The following HDAC9 variants were observed in gnomAD, a reference collection of about 807,000 sequenced individuals.
HDAC9 encodes MEF-2 interacting transcription repressor (MITR) protein.
A neutral mutation model predicts 139.4 loss-of-function variants in HDAC9; 41 were observed. The ratio of observed to expected loss-of-function variants is 0.29; its 90% confidence interval spans 0.23 to 0.38. The LOEUF (loss-of-function observed/expected upper bound fraction) is 0.38. Ranked by LOEUF, HDAC9 falls within the 10% of genes least tolerant of loss-of-function variation. The pLI, the probability that HDAC9 is intolerant of heterozygous loss-of-function variation, is 1.00. For synonymous variants in HDAC9, 517 were observed against 476.2 expected, an observed-to-expected ratio of 1.09 and a Z score of -1.12; for missense variants, 1,147 against 1,297.0, an observed-to-expected ratio of 0.88 and a Z score of 1.78.
intron 14 of HDAC9, among the ~76,000 whole-genome samples, chr7:18,756,877 C>CT (rs562272949): frequency 0.025 from 3,607 of 144,666 alleles, 63 homozygotes; most frequent in South Asian, 0.051. Context: ...ACTCCCCAAC[C>CT]TTTTTTTTTT....
intron 6 of HDAC9, among the ~76,000 whole-genome samples, chr7:18,616,168 A>G (rs1838538034): frequency 6.6e-6 from 1 of 152,100 alleles, no homozygotes; most frequent in South Asian, 2.1e-4. Flanking sequence ...AATCTTTTTT[A>G]AGTCAGTTGA....
chr7:18,449,563 C>A (rs539436919), intron 1 of HDAC9, among the ~76,000 whole-genome samples: 8 of 152,044 alleles, frequency 5.3e-5, no homozygotes, highest in African/African-American at 1.9e-4. Context: ...TATATTAATA[C>A]ACTAAGATAT....
chr7:19,001,134 C>T lies in HDAC9; in HGVS notation c.*5072C>T, dbSNP rs1786727160. 2 of 152,100 alleles carry T rather than the reference C, an allele frequency of 1.3e-5. No homozygotes were observed. The highest frequency in any genetic ancestry group is 6.5e-5 in the Admixed American group (1 of 15,276). 9.4% of individuals were successfully genotyped at this position (152,100 alleles called of 1,614,324 possible). A position where few individuals can be genotyped will look rare whatever the true frequency, so the allele number is the denominator to read the frequency against. On this transcript the variant is annotated 3_prime_UTR_variant, in exon 26 of 26. Coordinates refer to ENST00000686413, the MANE Select transcript of HDAC9 (RefSeq NM_178425.4). The stretch of plus-strand genomic sequence containing the variant: ...ATAGTTTGCCATCATCTGGCTACTA[C>T]CTAATCATGTTGTACTAGTTATTGT...
rs1158635428 is a variant in HDAC9 at position 18,644,709 on chromosome 7, T to G, written c.951T>G (p.Asp317Glu). 3 of 1,611,486 alleles carry G rather than the reference T, an allele frequency of 1.9e-6. No individual in the cohort carries two copies. The highest frequency in any genetic ancestry group is 2.2e-5 in the East Asian group (1 of 44,708). Residue 317 changes from aspartate (D) to glutamate (E), a missense_variant, in exon 9 of 26, where the codon GAT becomes GAG. Coordinates refer to ENST00000686413, the MANE Select transcript of HDAC9 (RefSeq NM_178425.4). ...VSQQRILIHE[D>E]SMNLLSLYTS... is the part of the protein sequence containing the mutation. ...AGCAACGCATTCTAATTCATGAAGA[T>G]TCCATGAACCTGCTAAGTCTTTATA...
intron 22 of HDAC9, among the ~76,000 whole-genome samples, chr7:18,889,179 A>G (rs1219625894): frequency 2.0e-5 from 3 of 152,286 alleles, no homozygotes; most frequent in East Asian, 3.9e-4. Flanking sequence ...CTAACAGACC[A>G]GGCTCACATC....
intron 1 of HDAC9, among the ~76,000 whole-genome samples, chr7:18,419,630 G>A (rs1241509437): frequency 1.3e-5 from 2 of 152,124 alleles, no homozygotes; most frequent in Non-Finnish European, 2.9e-5. Flanking sequence ...TTATTTAAAG[G>A]GGAGAATGAT....
chr7:18,466,444 C>A (rs975307923), intron 1 of HDAC9, among the ~76,000 whole-genome samples: 2 of 152,184 alleles, frequency 1.3e-5, no homozygotes, highest in Admixed American at 6.5e-5. Context: ...GATCTGTCCA[C>A]CTGGGCCTCC....
At chr7:18,718,845 C>A (rs1052965960) in intron 12 of HDAC9, among the ~76,000 whole-genome samples, 1 of 152,164 alleles carries the variant, frequency 6.6e-6, no homozygotes, top group African/African-American at 2.4e-5. Flanking sequence ...TGAGGGAGCA[C>A]AAACTGTTTC....
At chr7:18,978,582 CAACAA>C (rs1438268208) in intron 25 of HDAC9, among the ~76,000 whole-genome samples, 1 of 151,816 alleles carries the variant, frequency 6.6e-6, no homozygotes, top group Non-Finnish European at 1.5e-5. Flanking sequence ...ATTGATGGGT[CAACAA>C]AACAAAACAA....
intron 17 of HDAC9, among the ~76,000 whole-genome samples, chr7:18,815,955 A>G (rs1794532834): frequency 6.6e-6 from 1 of 152,164 alleles, no homozygotes; most frequent in South Asian, 2.1e-4. Flanking sequence ...TTCTAAAGCA[A>G]ACTGTCTTTT....
intron 2 of HDAC9, among the ~76,000 whole-genome samples, chr7:18,172,768 A>T (rs1468199603): frequency 6.6e-6 from 1 of 152,150 alleles, no homozygotes; most frequent in African/African-American, 2.4e-5. Context: ...GTTTTGAGTG[A>T]GTTTCTTAAT....
chr7:18,620,045 T>C (rs1724988307), intron 6 of HDAC9, among the ~76,000 whole-genome samples: 1 of 152,152 alleles, frequency 6.6e-6, no homozygotes, highest in Non-Finnish European at 1.5e-5. Flanking sequence ...CTCTCTGTCT[T>C]TTCTCTGGGG....
chr7:18,376,352 A>G (rs766384496), intron 1 of HDAC9, among the ~76,000 whole-genome samples: 9 of 152,190 alleles, frequency 5.9e-5, no homozygotes, highest in Non-Finnish European at 1.3e-4. Context: ...GGACATAAAT[A>G]TTATTTTAAA....
At chr7:18,704,026 A>C (rs974723368) in intron 12 of HDAC9, among the ~76,000 whole-genome samples, 2 of 152,156 alleles carry the variant, frequency 1.3e-5, no homozygotes, top group African/African-American at 2.4e-5. Flanking sequence ...GGTGGCTTGG[A>C]GAAAAATGGT....
intron 1 of HDAC9, among the ~76,000 whole-genome samples, chr7:18,146,000 T>G (rs1786292287): frequency 6.6e-6 from 1 of 152,052 alleles, no homozygotes; most frequent in African/African-American, 2.4e-5. Flanking sequence ...AGCAAATATA[T>G]AAGACTGTTG....
intron 12 of HDAC9, among the ~76,000 whole-genome samples, chr7:18,700,239 G>C (rs1009642630): frequency 2.6e-5 from 4 of 152,172 alleles, no homozygotes; most frequent in African/African-American, 9.7e-5. Flanking sequence ...TATGGCGATG[G>C]GGAGAGGGAG....
intron 13 of HDAC9, among the ~76,000 whole-genome samples, chr7:18,742,399 G>A (rs1787542135): frequency 6.6e-6 from 1 of 152,130 alleles, no homozygotes; most frequent in Admixed American, 6.5e-5. Context: ...TAGCACTTTA[G>A]CAATAAATTA....
intron 2 of HDAC9, among the ~76,000 whole-genome samples, chr7:18,515,380 A>G (rs1802843357): frequency 6.6e-6 from 1 of 151,870 alleles, no homozygotes; most frequent in African/African-American, 2.4e-5. Context: ...TGAGAATGAA[A>G]TTTTTTTTTA....
chr7:18,441,824 A>AG lies in HDAC9; in HGVS notation c.-41-54438_-41-54437insG, dbSNP rs556621892. 2.0e-4 allele frequency among the ~76,000 whole-genome samples: 31 copies of AG among 152,218 alleles called. No homozygotes were observed. The South Asian group carries it at 4.8e-3, about 23-fold the overall frequency. On this transcript the variant is annotated intron_variant, in intron 1 of 3. Transcript: ENST00000413509. ...CACTCTGTCGCTCAGGCTGGAGTGC[A>AG]TGGCGCCATCACAGCTCACTGCAAG... is the stretch of plus-strand genomic sequence containing the variant.
Sources: gnomAD v4.1 joint callset for allele counts (sites outside exome capture counted in the v4.1 genomes callset) on GRCh38, gnomAD v4.1.1 for gene constraint, MANE v1.5 for transcripts, NCBI Gene and HGNC (gene_info 2026-07-23, HGNC 2026-07-21) for gene names.